The following ERBB3 variants were observed in gnomAD, a reference collection of about 807,000 sequenced individuals.
ERBB3 encodes receptor tyrosine-protein kinase erbB-3.
In ERBB3, 96 loss-of-function variants were observed where a neutral mutation model predicts 156.7. The observed-to-expected ratio is 0.61, with a 90% CI of 0.52 to 0.73. The LOEUF is 0.73. Among genes scored for constraint, ERBB3 ranks in the 30% least tolerant of loss-of-function variants. ERBB3 has a pLI of 0.00. For missense variants in ERBB3, 1,406 were observed against 1,709.4 expected (o/e 0.82, Z 3.13); for synonymous variants, 567 against 632.0 (o/e 0.90, Z 1.54).
At chr12:56,094,854 G>C (rs992259507) in intron 15 of ERBB3, among the ~76,000 whole-genome samples, 7 of 152,154 alleles carry the variant, frequency 4.6e-5, no homozygotes, top group African/African-American at 1.7e-4. Context: ...GGGAGGCTGA[G>C]GCAGGAGAAT....
At chr12:56,085,234 G>A in intron 3 of ERBB3, 53 bp downstream of exon 3, 1 of 1,613,838 alleles carries the variant, frequency 6.2e-7, no homozygotes, top group African/African-American at 1.3e-5. Flanking sequence ...CCCAAGACTG[G>A]TACCTCCTTG....
chr12:56,101,743 G>A lies in ERBB3; in HGVS notation c.3717G>A (p.Gln1239=), dbSNP rs1447415185. ...SDLSASLGST[Q]SCPLHPVPIM... is the part of the protein sequence containing the mutation. ...TCAGTGCCTCTCTGGGCAGCACACA[G>A]AGTTGCCCACTCCACCCTGTACCCA... The change falls in exon 28 of 28, where the codon CAG becomes CAA. Residue 1239 remains glutamine (Q), a synonymous_variant. Coordinates refer to ENST00000267101, the MANE Select transcript of ERBB3 (RefSeq NM_001982.4). 6.2e-7 allele frequency: 1 copy of A among 1,613,840 alleles called. No homozygotes were observed. Among genetic ancestry groups the A allele is most frequent in the East Asian group, 2.2e-5 (1 of 44,880 alleles).
At chr12:56,098,096 T>A (rs10783779) in intron 21 of ERBB3, among the ~76,000 whole-genome samples, 156 bp downstream of exon 21, 1 of 151,622 alleles carries the variant, frequency 6.6e-6, no homozygotes, top group African/African-American at 2.4e-5. Context: ...GGGCAACAAA[T>A]AAAATAATGA....
chr12:56,094,727 G>A (rs775749073), intron 15 of ERBB3, among the ~76,000 whole-genome samples, 171 bp downstream of exon 15: 16 of 152,192 alleles, frequency 1.1e-4, no homozygotes, highest in Middle Eastern at 3.4e-3. Context: ...CGAGGTGGGT[G>A]GATCACCTGA....
At position 56,083,105 on chromosome 12, in the gene ERBB3, C is replaced by A. The variant is rs569440687; in HGVS notation, c.83-646C>A. On this transcript the variant is annotated intron_variant, in intron 1 of 27. Coordinates refer to ENST00000267101, the MANE Select transcript of ERBB3 (RefSeq NM_001982.4). ...ACCCCAGCACTGCCAGAGCTCCCCC[C>A]TCTACTGAGGTCACTTGTCTGAGCC... is the stretch of plus-strand genomic sequence containing the variant. Among the ~76,000 whole-genome samples, 6 of 152,252 alleles carry A rather than the reference C, an allele frequency of 3.9e-5. No homozygotes were observed. The East Asian group carries it at 1.2e-3, about 29-fold the overall frequency.
intron 14 of ERBB3, 50 bp downstream of exon 14, chr12:56,094,239 CT>C: frequency 6.6e-7 from 1 of 1,506,756 alleles, no homozygotes; most frequent in Non-Finnish European, 9.2e-7. Context: ...AGGGGCAATA[CT>C]TGGAGCATCT....
intron 4 of ERBB3, 73 bp from the exon 5 acceptor site, chr12:56,087,504 A>G: frequency 7.9e-7 from 1 of 1,266,982 alleles, no homozygotes; most frequent in Non-Finnish European, 1.2e-6. Flanking sequence ...GTGTACTGAC[A>G]TCATACCCCG....
chr12:56,092,109 G>C (rs904495039), intron 9 of ERBB3, among the ~76,000 whole-genome samples: 1 of 148,166 alleles, frequency 6.7e-6, no homozygotes, highest in Non-Finnish European at 1.5e-5. Flanking sequence ...AAAAAAAAAG[G>C]CCAGGTGCAG....
rs1224494347 is a variant in ERBB3 at position 56,093,423 on chromosome 12, T to C, written c.1353T>C (p.Ala451=). The C allele has an allele frequency of 6.2e-7, 1 of 1,614,106 alleles. No individual in the cohort carries two copies. Among genetic ancestry groups the C allele is most frequent in the South Asian group, 1.1e-5 (1 of 91,088 alleles). The change falls in exon 12 of 28, where the codon GCT becomes GCC. Residue 451 remains alanine (A), a synonymous_variant. Transcript: ENST00000267101. ...TCCGATCCCTGAAGGAAATTAGTGCTGGGCGTATCTATATAAGTGCCAATA... is the reference window on the plus strand; with the variant it reads ...TCCGATCCCTGAAGGAAATTAGTGCCGGGCGTATCTATATAAGTGCCAATA... ...LGFRSLKEIS[A]GRIYISANRQ...
intron 21 of ERBB3, chr12:56,098,229 C>T (rs188643309): frequency 3.8e-6 from 2 of 532,580 alleles, no homozygotes; most frequent in African/African-American, 2.2e-5. Flanking sequence ...ACGGTGAAAC[C>T]CCGTCTCTAC....
rs1410768676 is a variant in ERBB3 at position 56,088,845 on chromosome 12, C to CT, written c.1089dup (p.Leu364SerfsTer87). On this transcript the variant is annotated frameshift_variant, in exon 9 of 28. Coordinates refer to ENST00000267101, the MANE Select transcript of ERBB3 (RefSeq NM_001982.4). LOFTEE classifies it high-confidence loss of function. ...GCACCAAGATCCTGGGCAACCTGGA[C>CT]TTTCTGATCACCGGCCTCAATGGGT... 4.3e-6 allele frequency: 7 copies of CT among 1,614,184 alleles called. No homozygotes were observed. Among genetic ancestry groups the CT allele is most frequent in the Non-Finnish European group, 5.9e-6 (7 of 1,180,034 alleles).
rs561787077 is a variant in ERBB3, at chr12:56,099,708, G to A, written c.2900G>A (p.Arg967Lys). 156 of 1,614,210 alleles carry A rather than the reference G, an allele frequency of 9.7e-5. No individual in the cohort carries two copies. The East Asian group carries it at 3.1e-3, about 32-fold the overall frequency. Residue 967 changes from arginine (R) to lysine (K), a missense_variant, in exon 24 of 28, where the codon AGG becomes AAG. Arg to Lys is a conservative substitution (Grantham distance 26). Coordinates refer to ENST00000267101, the MANE Select transcript of ERBB3 (RefSeq NM_001982.4). ...TFKELANEFTRMARDPPRYLV... is the reference protein window; with the variant it reads ...TFKELANEFTKMARDPPRYLV... ...AAAGAACTAGCCAATGAGTTCACCA[G>A]GATGGCCCGAGACCCACCACGGTAT... is the stretch of plus-strand genomic sequence containing the variant.
chr12:56,091,276 AT>A (rs371370750), intron 9 of ERBB3, among the ~76,000 whole-genome samples: 6,756 of 53,012 alleles, frequency 0.13, 1,181 homozygotes, highest in Non-Finnish European at 0.2. Flanking sequence ...TTATATATAT[AT>A]ATATATATAT....
chr12:56,080,431 C>T (rs1868340384), intron 1 of ERBB3, 49 bp downstream of exon 1: 2 of 1,436,006 alleles, frequency 1.4e-6, no homozygotes, highest in Non-Finnish European at 1.9e-6. Flanking sequence ...GAGCCGGAAC[C>T]CAGTGCGCGC....
intron 21 of ERBB3, 68 bp from the exon 22 acceptor site, chr12:56,098,432 T>C (rs1296939826): frequency 6.5e-5 from 79 of 1,214,550 alleles, no homozygotes; most frequent in Non-Finnish European, 8.9e-5. Flanking sequence ...AAAAAAGAAT[T>C]TGGGACTTGG....
chr12:56,101,890 G>T lies in ERBB3; in HGVS notation c.3864G>T (p.Gly1288=), dbSNP rs777106152. The change falls in exon 28 of 28, where the codon GGG becomes GGT. Residue 1288 remains glycine, a synonymous_variant. Coordinates refer to ENST00000267101, the MANE Select transcript of ERBB3 (RefSeq NM_001982.4). ...GGGCCTGCCCAGCATCTGAGCAAGG[G>T]TATGAAGAGATGAGAGCTTTTCAGG... is the stretch of plus-strand genomic sequence containing the variant. ...AMGACPASEQ[G]YEEMRAFQGP... 6.2e-6 allele frequency: 10 copies of T among 1,613,388 alleles called. No individual in the cohort carries two copies. The African/African-American group carries it at 1.3e-4, about 22-fold the overall frequency.
At chr12:56,088,891 C>T in intron 9 of ERBB3, 23 bp downstream of exon 9, 4 of 1,613,824 alleles carry the variant, frequency 2.5e-6, no homozygotes, top group Non-Finnish European at 2.5e-6. Context: ...GCCTTCCCTC[C>T]TTAGACCCCA....
At position 56,089,294 on chromosome 12, in the gene ERBB3, A is replaced by AT. The variant is rs572809661; in HGVS notation, c.1109+433dup. On this transcript the variant is annotated intron_variant, in intron 9 of 27. Coordinates refer to ENST00000267101, the MANE Select transcript of ERBB3 (RefSeq NM_001982.4). Reference sequence around the variant, plus strand: ...CATCATACTTGACTAATTTTTTTGTATTTTTTTGTAGAGACAGGGTCTTGC... The same window carrying AT: ...CATCATACTTGACTAATTTTTTTGTATTTTTTTTGTAGAGACAGGGTCTTGC... Among the ~76,000 whole-genome samples the AT allele has an allele frequency of 2.0e-3, 309 of 151,908 alleles. 2 individuals carry two copies. Among genetic ancestry groups the AT allele is most frequent in the African/African-American group, 7.1e-3 (296 of 41,432 alleles).
intron 3 of ERBB3, 155 bp from the exon 4 acceptor site, chr12:56,086,376 A>T: frequency 1.1e-6 from 1 of 893,036 alleles, no homozygotes; most frequent in Non-Finnish European, 1.8e-6. Context: ...CATCTTATAA[A>T]GGGAGTCTTC....
Sources: allele counts gnomAD v4.1 joint callset (sites outside exome capture counted in the v4.1 genomes callset), GRCh38; gene constraint gnomAD v4.1.1; transcripts MANE v1.5; gene names NCBI Gene and HGNC (gene_info 2026-07-23, HGNC 2026-07-21).